UBAC2: variants seen among roughly 807,000 people sequenced by gnomAD.
The protein encoded by UBAC2 is ubiquitin-associated domain-containing protein 2.
UBAC2 carries 26 observed loss-of-function variants against 44.0 expected under a neutral mutation model. The observed-to-expected ratio is 0.59, with a 90% CI of 0.43 to 0.82. The LOEUF is 0.82. Among genes scored for constraint, UBAC2 ranks in the 40% least tolerant of loss-of-function variants. The probability of loss-of-function intolerance (pLI) is 0.00; values close to 1 mark genes in which losing one functional copy is unlikely to be tolerated. For missense variants in UBAC2, 329 were observed against 419.4 expected (o/e 0.78, Z 1.88); for synonymous variants, 155 against 154.3 (o/e 1.00, Z -0.04).
intron 4 of UBAC2, among the ~76,000 whole-genome samples, chr13:99,267,008 C>T (rs1174547263): frequency 6.6e-6 from 1 of 152,138 alleles, no homozygotes; most frequent in Non-Finnish European, 1.5e-5. Flanking sequence ...CTCGCAGGCA[C>T]ACCTCTCTCA....
rs2044040593 is a variant in UBAC2 at position 99,287,886 on chromosome 13, G to T, written c.390-26211G>T. ...ATAATAAGCAATAATACATGAAATG[G>T]CACTTGCATATACTTTCATTACTCT... On this transcript the variant is annotated intron_variant, in intron 4 of 8. Transcript: ENST00000403766. 2.0e-5 allele frequency among the ~76,000 whole-genome samples: 3 copies of T among 151,890 alleles called. No individual in the cohort carries two copies. The South Asian group carries it at 6.2e-4, about 32-fold the overall frequency.
At chr13:99,325,501 T>C (rs532614247) in intron 6 of UBAC2, among the ~76,000 whole-genome samples, 2 of 152,172 alleles carry the variant, frequency 1.3e-5, no homozygotes, top group Non-Finnish European at 2.9e-5. Context: ...CTAGGAAGTC[T>C]TACTCATTTA....
chr13:99,272,888 T>A (rs1338970511), intron 4 of UBAC2, among the ~76,000 whole-genome samples: 1 of 152,162 alleles, frequency 6.6e-6, no homozygotes, highest in Non-Finnish European at 1.5e-5. Flanking sequence ...TGTGAGTCTG[T>A]GTGTGTATCT....
Position 99,295,085 on chromosome 13 carries a change from T to G in UBAC2, c.390-19012T>G, listed in dbSNP as rs768009744. The stretch of plus-strand genomic sequence containing the variant: ...TCACTTTCCATTTGAAGACTTGGAA[T>G]GTATCATCATCTGCGTTTCTGTCAT... On this transcript the variant is annotated intron_variant, in intron 4 of 8. Coordinates refer to ENST00000403766, the MANE Select transcript of UBAC2 (RefSeq NM_001144072.2). The surrounding 1 kb of genome is among the most constrained non-coding windows in gnomAD (Gnocchi z 4.1). 1 of 1,613,864 alleles carries G rather than the reference T, an allele frequency of 6.2e-7. No homozygotes were observed. The highest frequency in any genetic ancestry group is 2.2e-5 in the East Asian group (1 of 44,872).
chr13:99,231,547 G>A (rs1298108143), intron 1 of UBAC2: 2 of 151,378 alleles, frequency 1.3e-5, no homozygotes, highest in Non-Finnish European at 2.9e-5. Context: ...CGAGTAGCTG[G>A]GACTACAGGC....
At chr13:99,351,776 T>C (rs1470750834) in intron 7 of UBAC2, 2 of 456,612 alleles carry the variant, frequency 4.4e-6, no homozygotes, top group East Asian at 1.4e-4. Context: ...AGTGGGACAT[T>C]TGGCAGCAAA....
chr13:99,366,577 G>A (rs1229798181), intron 7 of UBAC2, among the ~76,000 whole-genome samples: 1 of 152,008 alleles, frequency 6.6e-6, no homozygotes, highest in African/African-American at 2.4e-5. Flanking sequence ...TAATTCTCAG[G>A]CAGGACCAAG....
At chr13:99,352,915 G>T (rs9300539) in intron 7 of UBAC2, among the ~76,000 whole-genome samples, 27,275 of 152,192 alleles carry the variant, frequency 0.18, 2,615 homozygotes, top group Middle Eastern at 0.23. Context: ...GGCAGTGCAC[G>T]TGTGTTGCAA....
intron 1 of UBAC2, among the ~76,000 whole-genome samples, chr13:99,208,793 G>T (rs919963759): frequency 9.9e-5 from 15 of 152,182 alleles, no homozygotes; most frequent in Non-Finnish European, 1.9e-4. Context: ...CCTGAGCCTC[G>T]CACGTAGTTA....
chr13:99,232,372 C>T (rs1020421947), intron 1 of UBAC2, among the ~76,000 whole-genome samples: 7 of 116,584 alleles, frequency 6.0e-5, no homozygotes, highest in African/African-American at 1.9e-4. Context: ...CTTTTGAACA[C>T]AAGACCCTGT....
At chr13:99,346,690 T>G (rs1207436647) in intron 7 of UBAC2, among the ~76,000 whole-genome samples, 3 of 152,038 alleles carry the variant, frequency 2.0e-5, no homozygotes, top group South Asian at 2.1e-4. Flanking sequence ...AAATATCGCC[T>G]CCTCAGGGAG....
chr13:99,343,330 G>A (rs1214872300), intron 7 of UBAC2, among the ~76,000 whole-genome samples: 1 of 152,036 alleles, frequency 6.6e-6, no homozygotes, highest in Non-Finnish European at 1.5e-5. Flanking sequence ...GACCCCCATT[G>A]TGGTTCTCCT....
At chr13:99,261,858 A>G (rs1418041650) in intron 4 of UBAC2, 1 of 152,318 alleles carries the variant, frequency 6.6e-6, no homozygotes, top group Non-Finnish European at 1.5e-5. Context: ...CCAGAGGTGC[A>G]AATGGAGATG....
chr13:99,367,701 T>A, intron 7 of UBAC2, 86 bp from the exon 8 acceptor site: 1 of 1,556,282 alleles, frequency 6.4e-7, no homozygotes, highest in Non-Finnish European at 8.8e-7. Context: ...TCTATAGATG[T>A]AACTGCATTG....
At chr13:99,268,404 G>A (rs575188840) in intron 4 of UBAC2, among the ~76,000 whole-genome samples, 59 of 152,096 alleles carry the variant, frequency 3.9e-4, no homozygotes, top group African/African-American at 1.2e-3. Flanking sequence ...TTTGAGTCCT[G>A]GAGACCATCC....
At chr13:99,336,943 C>G (rs1277656180) in intron 6 of UBAC2, among the ~76,000 whole-genome samples, 1 of 152,084 alleles carries the variant, frequency 6.6e-6, no homozygotes, top group Non-Finnish European at 1.5e-5. Flanking sequence ...TTCCCACCTC[C>G]CTCCTGTGAC....
chr13:99,214,133 T>C (rs528915202), intron 1 of UBAC2, among the ~76,000 whole-genome samples: 62 of 152,348 alleles, frequency 4.1e-4, no homozygotes, highest in African/African-American at 1.4e-3. Context: ...TGTGTATTTA[T>C]TGTAGAGCCA....
chr13:99,201,714 C>T (rs1427222862), intron 1 of UBAC2: 1 of 751,560 alleles, frequency 1.3e-6, no homozygotes, highest in Non-Finnish European at 2.2e-6. Flanking sequence ...TTGCTTGTCA[C>T]TGTTCATACT....
At chr13:99,204,925 G>T (rs1440003229) in intron 1 of UBAC2, among the ~76,000 whole-genome samples, 52 of 105,646 alleles carry the variant, frequency 4.9e-4, no homozygotes, top group African/African-American at 1.6e-3. Flanking sequence ...TTTTTTTTGC[G>T]ACGGAGTCTT....
Sources: gnomAD v4.1 joint callset for allele counts (sites outside exome capture counted in the v4.1 genomes callset) on GRCh38, gnomAD v4.1.1 for gene constraint, Gnocchi (gnomAD v3.1) non-coding constraint, MANE v1.5 for transcripts, NCBI Gene and HGNC (gene_info 2026-07-23, HGNC 2026-07-21) for gene names.